CHCHD3: variants seen among roughly 807,000 people sequenced by gnomAD.
CHCHD3 encodes coiled-coil-helix-coiled-coil-helix domain containing 3.
In CHCHD3, 20 loss-of-function variants were observed where a neutral mutation model predicts 38.2. That is an observed-to-expected ratio of 0.52 (90% CI 0.37 to 0.76). The LOEUF (loss-of-function observed/expected upper bound fraction) is 0.76, where lower values mean the gene tolerates loss of function less well. Ranked by LOEUF, CHCHD3 falls within the 30% of genes least tolerant of loss-of-function variation. CHCHD3 has a pLI of 0.00. For synonymous variants in CHCHD3, 82 were observed against 100.0 expected (o/e 0.82, Z 1.07); for missense variants, 245 against 279.2 (o/e 0.88, Z 0.87).
intron 3 of CHCHD3, among the ~76,000 whole-genome samples, chr7:132,982,358 CACT>C (rs1387503058): frequency 6.6e-6 from 1 of 152,148 alleles, no homozygotes; most frequent in Non-Finnish European, 1.5e-5. Context: ...GATCTTGGCT[CACT>C]GGAACCTCCA....
At chr7:132,904,887 T>C (rs1215830888) in intron 4 of CHCHD3, among the ~76,000 whole-genome samples, 1 of 152,120 alleles carries the variant, frequency 6.6e-6, no homozygotes, top group Admixed American at 6.5e-5. Flanking sequence ...GTGGCACATA[T>C]ACACCATGGA....
At chr7:132,928,147 G>A (rs1002234355) in intron 4 of CHCHD3, among the ~76,000 whole-genome samples, 5 of 152,152 alleles carry the variant, frequency 3.3e-5, no homozygotes, top group Non-Finnish European at 7.3e-5. Context: ...TGAGGAAGGG[G>A]ACAGGCCAGC....
chr7:133,034,411 G>A (rs1813589812), intron 2 of CHCHD3, among the ~76,000 whole-genome samples: 1 of 146,804 alleles, frequency 6.8e-6, no homozygotes, highest in Non-Finnish European at 1.5e-5. Flanking sequence ...TAAATGGTAA[G>A]AAAGCAACAA....
chr7:132,943,197 G>C (rs1262685008), intron 4 of CHCHD3, among the ~76,000 whole-genome samples: 1 of 152,050 alleles, frequency 6.6e-6, no homozygotes, highest in African/African-American at 2.4e-5. Flanking sequence ...GAACAACAAA[G>C]AGACTTGAGT....
chr7:132,860,312 GAGAA>G (rs1164880308), intron 5 of CHCHD3, among the ~76,000 whole-genome samples: 295 of 93,526 alleles, frequency 3.2e-3, no homozygotes, highest in African/African-American at 9.7e-3. Flanking sequence ...TAGAGAGAGA[GAGAA>G]AGAGAGAGAG....
At chr7:132,986,899 C>CT (rs1487136144) in intron 3 of CHCHD3, among the ~76,000 whole-genome samples, 3 of 152,128 alleles carry the variant, frequency 2.0e-5, no homozygotes, top group African/African-American at 7.2e-5. Flanking sequence ...GCTGCTAACC[C>CT]CTGAGCCTCA....
intron 3 of CHCHD3, among the ~76,000 whole-genome samples, chr7:132,986,424 G>GAAAAAAAAAAAAAAAGAAAAAAA (rs1812125101): frequency 7.6e-6 from 1 of 131,266 alleles, no homozygotes; most frequent in African/African-American, 2.8e-5. Flanking sequence ...AAAGAAAAAA[G>GAAAAAAAAAAAAAAAGAAAAAAA]AAAAAAAAAA....
intron 2 of CHCHD3, among the ~76,000 whole-genome samples, chr7:133,057,379 T>C (rs184210723): frequency 1.3e-5 from 2 of 152,092 alleles, no homozygotes; most frequent in East Asian, 1.9e-4. Context: ...CTGAGCAACA[T>C]AGCAAGATCC....
At chr7:132,965,955 A>G (rs893538054) in intron 4 of CHCHD3, among the ~76,000 whole-genome samples, 26 of 152,232 alleles carry the variant, frequency 1.7e-4, no homozygotes, top group African/African-American at 5.5e-4. Context: ...TTCTATGACA[A>G]TGAAGACATT....
chr7:132,855,320 T>C lies in CHCHD3; in HGVS notation c.454-16851A>G, dbSNP rs148429697. Among the ~76,000 whole-genome samples the C allele has an allele frequency of 7.4e-3, 1,121 of 152,338 alleles. 10 individuals are homozygous for C. Among genetic ancestry groups the C allele is most frequent in the Non-Finnish European group, 0.012 (846 of 68,028 alleles). On this transcript the variant is annotated intron_variant, in intron 5 of 7. Transcript: ENST00000262570. ...CAAGAAAAAGAAGATCCAATGCAGA[T>C]GATACACATATCTGAAGTTTAATTT...
intron 1 of CHCHD3, among the ~76,000 whole-genome samples, chr7:133,075,012 C>T (rs1814937573): frequency 6.6e-6 from 1 of 152,122 alleles, no homozygotes; most frequent in Admixed American, 6.6e-5. Context: ...TGCATGAGGA[C>T]CAGGCCTGCA....
chr7:133,030,468 A>AT (rs1813469357), intron 2 of CHCHD3, among the ~76,000 whole-genome samples: 2 of 152,236 alleles, frequency 1.3e-5, no homozygotes, highest in Non-Finnish European at 2.9e-5. Context: ...AACTTTGCCT[A>AT]TTAGCACAGT....
At chr7:132,980,192 T>C (rs569968440) in intron 3 of CHCHD3, among the ~76,000 whole-genome samples, 2 of 152,326 alleles carry the variant, frequency 1.3e-5, no homozygotes, top group East Asian at 1.9e-4. Context: ...CCATGTTGTT[T>C]TGGGAACACT....
intron 4 of CHCHD3, among the ~76,000 whole-genome samples, chr7:132,970,654 A>T (rs1453921899): frequency 2.0e-5 from 3 of 152,178 alleles, no homozygotes; most frequent in Non-Finnish European, 4.4e-5. Context: ...TAACATAGTA[A>T]ATTTCATACA....
chr7:132,954,974 C>T (rs921832587), intron 4 of CHCHD3, among the ~76,000 whole-genome samples: 7 of 152,098 alleles, frequency 4.6e-5, no homozygotes, highest in African/African-American at 1.7e-4. Context: ...GATGGGTTTC[C>T]TCTCTGAGCA....
chr7:132,881,109 CCTT>C lies in CHCHD3; in HGVS notation c.453+4550_453+4552del, dbSNP rs552630220. 4.7e-3 allele frequency among the ~76,000 whole-genome samples: 715 copies of C among 152,274 alleles called. 4 individuals are homozygous for C. Among genetic ancestry groups the C allele is most frequent in the Middle Eastern group, 0.014 (4 of 294 alleles). On this transcript the variant is annotated intron_variant, in intron 5 of 7. Coordinates refer to ENST00000262570, the MANE Select transcript of CHCHD3 (RefSeq NM_017812.4). ...AAAAAATCTTTTCAAATGGCTTTGA[CCTT>C]CTCTCTCAGTAAAGTGTCGCTGCTT... is the stretch of plus-strand genomic sequence containing the variant.
rs1486864155 is a variant in CHCHD3, at chr7:133,070,210, T to C, written c.101A>G (p.Asp34Gly). 6 of 1,613,382 alleles carry C rather than the reference T, an allele frequency of 3.7e-6. No individual in the cohort carries two copies. Among genetic ancestry groups the C allele is most frequent in the Non-Finnish European group, 5.1e-6 (6 of 1,179,890 alleles). Residue 34 changes from aspartate to glycine, a missense_variant, in exon 2 of 8, where the codon GAT (aspartate) becomes GGT (glycine). Coordinates refer to ENST00000262570, the MANE Select transcript of CHCHD3 (RefSeq NM_017812.4). Reference protein sequence around the residue: ...KGIRLSENVIDRMKESSPSGS... With the variant: ...KGIRLSENVIGRMKESSPSGS... ...AGATGGAGAGGATTCCTTCATTCGA[T>C]CAATCACATTTTCCGAAAGCTGGAA...
At chr7:132,973,719 C>T in intron 4 of CHCHD3, 1 of 1,014,986 alleles carries the variant, frequency 9.9e-7, no homozygotes, top group Non-Finnish European at 1.2e-6. Context: ...TCTCTGTTTG[C>T]AGCTGGTCAT....
intron 5 of CHCHD3, among the ~76,000 whole-genome samples, chr7:132,885,346 G>A (rs572740120): frequency 1.3e-5 from 2 of 152,278 alleles, no homozygotes; most frequent in East Asian, 3.9e-4. Flanking sequence ...TTTAGTCAAT[G>A]TCTGGGAGAG....
Sources: gnomAD v4.1 joint callset for allele counts (sites outside exome capture counted in the v4.1 genomes callset) on GRCh38, gnomAD v4.1.1 for gene constraint, MANE v1.5 for transcripts, NCBI Gene and HGNC (gene_info 2026-07-23, HGNC 2026-07-21) for gene names.